Variants in OXSR1 observed in about 807,000 individuals in gnomAD.
OXSR1 encodes oxidative stress responsive kinase 1.
Under a neutral mutation model 79.8 loss-of-function variants are expected in OXSR1, and 24 were observed. The ratio of observed to expected loss-of-function variants is 0.30; its 90% CI spans 0.22 to 0.42. The LOEUF (loss-of-function observed/expected upper bound fraction) is 0.42. Ranked by LOEUF, OXSR1 falls within the 10% of genes least tolerant of loss-of-function variation. The probability of loss-of-function intolerance (pLI) is 1.00; values close to 1 mark genes in which losing one functional copy is unlikely to be tolerated. For synonymous variants in OXSR1, 226 were observed against 209.2 expected, an observed-to-expected ratio of 1.08 and a Z score of -0.69; for missense variants, 430 against 618.4, an observed-to-expected ratio of 0.70 and a Z score of 3.23.
At chr3:38,184,477 C>A (rs1368833109) in intron 2 of OXSR1, among the ~76,000 whole-genome samples, 1 of 152,046 alleles carries the variant, frequency 6.6e-6, no homozygotes, top group Non-Finnish European at 1.5e-5. Context: ...CGATAAACTG[C>A]GAACTAATTC....
At chr3:38,175,187 A>G (rs1214184114) in intron 1 of OXSR1, among the ~76,000 whole-genome samples, 1 of 152,246 alleles carries the variant, frequency 6.6e-6, no homozygotes. Flanking sequence ...TCTTTAGACT[A>G]TAAGCCTATT....
chr3:38,184,375 C>T (rs150667676), intron 2 of OXSR1, among the ~76,000 whole-genome samples: 2 of 151,996 alleles, frequency 1.3e-5, no homozygotes, highest in Non-Finnish European at 2.9e-5. Flanking sequence ...AAATGCTGAT[C>T]GAAATCTTAT....
rs745736039 is a variant in OXSR1 at position 38,183,074 on chromosome 3, A to G, written c.142A>G (p.Ile48Val). The G allele has an allele frequency of 1.2e-6, 2 of 1,612,726 alleles. No individual in the cohort carries two copies. Among genetic ancestry groups the G allele is most frequent in the Non-Finnish European group, 1.7e-6 (2 of 1,179,216 alleles). Reference protein sequence around the residue: ...PKKEKVAIKRINLEKCQTSMD... With the variant: ...PKKEKVAIKRVNLEKCQTSMD... ...AAAGGAGAAAGTGGCAATCAAACGG[A>G]TAAACCTTGAGAAATGTCAAACTAG... The change falls in exon 2 of 18, where the codon ATA becomes GTA. Residue 48 changes from isoleucine (I) to valine (V), a missense_variant. By Grantham distance (29) the Ile-to-Val change is conservative. This residue lies in a region of OXSR1 where 145 missense variants were observed against 228.3 expected (regional missense o/e 0.64). Transcript: ENST00000311806.
chr3:38,221,538 T>C (rs764851595), intron 5 of OXSR1, 40 bp from the exon 6 acceptor site: 1 of 1,031,682 alleles, frequency 9.7e-7, no homozygotes, highest in South Asian at 1.3e-5. Flanking sequence ...TTATGATAGT[T>C]GATGCACTTT....
intron 11 of OXSR1, among the ~76,000 whole-genome samples, chr3:38,237,410 CAA>C (rs992846630): frequency 6.6e-6 from 1 of 152,140 alleles, no homozygotes; most frequent in Non-Finnish European, 1.5e-5. Flanking sequence ...ACAGTGAAGA[CAA>C]GAGTCTTCCT....
chr3:38,199,113 C>T (rs1429994000), intron 4 of OXSR1, among the ~76,000 whole-genome samples: 5 of 152,130 alleles, frequency 3.3e-5, no homozygotes, highest in East Asian at 1.9e-4. Flanking sequence ...TTTGGAATAT[C>T]GCTTTCCATT....
chr3:38,196,974 G>A (rs1702081732), intron 3 of OXSR1, among the ~76,000 whole-genome samples: 1 of 152,150 alleles, frequency 6.6e-6, no homozygotes, highest in Non-Finnish European at 1.5e-5. Flanking sequence ...GTATTACATT[G>A]TAAACAGTGT....
intron 2 of OXSR1, among the ~76,000 whole-genome samples, chr3:38,183,321 A>G (rs1297781646): frequency 6.6e-6 from 1 of 152,240 alleles, no homozygotes; most frequent in Non-Finnish European, 1.5e-5. Context: ...ACTAACATTT[A>G]ATATGTAACC....
At chr3:38,227,518 G>T (rs775711702) in intron 8 of OXSR1, among the ~76,000 whole-genome samples, 1 of 147,458 alleles carries the variant, frequency 6.8e-6, no homozygotes, top group Non-Finnish European at 1.5e-5. Flanking sequence ...GACTGAGAAG[G>T]TTCAGTATGT....
chr3:38,222,740 A>C (rs1018240284), intron 6 of OXSR1, among the ~76,000 whole-genome samples: 27 of 152,160 alleles, frequency 1.8e-4, no homozygotes, highest in African/African-American at 6.3e-4. Flanking sequence ...AACCTTCCTA[A>C]CTTTTTCATT....
intron 4 of OXSR1, among the ~76,000 whole-genome samples, chr3:38,208,888 C>CAAG (rs887226768): frequency 6.6e-6 from 1 of 151,738 alleles, no homozygotes; most frequent in East Asian, 1.9e-4. Flanking sequence ...GGCGACAGAG[C>CAAG]AAGACTCCAT....
At chr3:38,198,663 G>T (rs975560244) in intron 3 of OXSR1, 59 bp from the exon 4 acceptor site, 40 of 1,329,844 alleles carry the variant, frequency 3.0e-5, no homozygotes, top group Non-Finnish European at 3.9e-5. Context: ...TTCTAAAATG[G>T]ATCTGAATTA....
chr3:38,167,493 TC>T (rs1397732415), intron 1 of OXSR1, among the ~76,000 whole-genome samples: 8 of 152,232 alleles, frequency 5.3e-5, no homozygotes, highest in African/African-American at 2.4e-5. Context: ...ACTGAAGACT[TC>T]CTAGCTGCCT....
intron 3 of OXSR1, among the ~76,000 whole-genome samples, chr3:38,194,550 A>G (rs1702039762): frequency 6.6e-6 from 1 of 152,160 alleles, no homozygotes; most frequent in Non-Finnish European, 1.5e-5. Flanking sequence ...AAAAAAAATT[A>G]AAAATTAAAA....
At chr3:38,184,359 C>T (rs1048732233) in intron 2 of OXSR1, among the ~76,000 whole-genome samples, 3 of 152,032 alleles carry the variant, frequency 2.0e-5, no homozygotes, top group African/African-American at 7.2e-5. Flanking sequence ...ATGCATACTT[C>T]GAAGGAAATG....
chr3:38,231,267 C>T (rs1170715132), intron 10 of OXSR1, among the ~76,000 whole-genome samples: 2 of 151,938 alleles, frequency 1.3e-5, no homozygotes, highest in Non-Finnish European at 2.9e-5. Context: ...TAACTTGTCT[C>T]TATTTTAGAG....
chr3:38,231,299 T>C (rs1201951565), intron 10 of OXSR1, among the ~76,000 whole-genome samples: 1 of 152,064 alleles, frequency 6.6e-6, no homozygotes, highest in Non-Finnish European at 1.5e-5. Context: ...TCAGTGGCTA[T>C]AATGCATCGT....
chr3:38,165,971 G>A lies in OXSR1; in HGVS notation c.70+25G>A, dbSNP rs369604163. The A allele has an allele frequency of 3.4e-4, 538 of 1,599,888 alleles. No individual in the cohort carries two copies. In the African/African-American group the frequency reaches 6.5e-3, roughly 19 times the overall value. On this transcript the variant is annotated intron_variant, in intron 1 of 17. Coordinates refer to ENST00000311806, the MANE Select transcript of OXSR1 (RefSeq NM_005109.3). ...GGTGAGAGCAGGCGCTGCGGAGGGG[G>A]GAGGCGCGGCGCTGGGAGGCGGGGG... is the stretch of plus-strand genomic sequence containing the variant.
At chr3:38,202,677 CATT>C (rs1033684591) in intron 4 of OXSR1, among the ~76,000 whole-genome samples, 3 of 152,198 alleles carry the variant, frequency 2.0e-5, no homozygotes, top group African/African-American at 7.2e-5. Flanking sequence ...AATTATCAAT[CATT>C]ATTATAAACA....
Sources: allele counts gnomAD v4.1 joint callset (sites outside exome capture counted in the v4.1 genomes callset), GRCh38; gene constraint gnomAD v4.1.1; regional missense constraint gnomAD v4.1.1; transcripts MANE v1.5; gene names NCBI Gene and HGNC (gene_info 2026-07-23, HGNC 2026-07-21).